Variants in ZFYVE9 observed in about 807,000 individuals in gnomAD.
The protein encoded by ZFYVE9 is zinc finger FYVE-type containing 9.
In ZFYVE9, 43 loss-of-function variants were observed where a neutral mutation model predicts 126.7. The observed-to-expected ratio is 0.34, with a 90% confidence interval of 0.27 to 0.44. The LOEUF (loss-of-function observed/expected upper bound fraction) is 0.44. ZFYVE9 is among the 20% of genes least tolerant of loss of function. ZFYVE9 has a pLI of 1.00. For missense variants in ZFYVE9, 1,476 were observed against 1,697.0 expected, an observed-to-expected ratio of 0.87 and a Z score of 2.29; for synonymous variants, 521 against 597.4, an observed-to-expected ratio of 0.87 and a Z score of 1.87.
chr1:52,163,257 A>G (rs1644479954), intron 1 of ZFYVE9, among the ~76,000 whole-genome samples: 1 of 152,236 alleles, frequency 6.6e-6, no homozygotes, highest in African/African-American at 2.4e-5. Context: ...CATTTTTGGA[A>G]AAAACTCTTC....
At chr1:52,205,073 T>TC (rs1360626339) in intron 1 of ZFYVE9, among the ~76,000 whole-genome samples, 1 of 148,766 alleles carries the variant, frequency 6.7e-6, no homozygotes, top group African/African-American at 2.5e-5. Flanking sequence ...GTGAATTTTT[T>TC]TTTTTTTTTT....
intron 1 of ZFYVE9, among the ~76,000 whole-genome samples, chr1:52,206,169 T>A (rs1191968638): frequency 6.6e-6 from 1 of 152,244 alleles, no homozygotes; most frequent in Non-Finnish European, 1.5e-5. Flanking sequence ...ATTGTAGCTG[T>A]ATCTTTCAGG....
intron 1 of ZFYVE9, among the ~76,000 whole-genome samples, chr1:52,161,190 A>G (rs1160478843): frequency 1.3e-5 from 2 of 152,248 alleles, no homozygotes; most frequent in East Asian, 3.8e-4. Flanking sequence ...GCTCTAGGTA[A>G]TAAATAAGGG....
rs1646056991 is a variant in ZFYVE9, at chr1:52,303,801, T to G, written c.3334-20T>G. On this transcript the variant is annotated intron_variant, in intron 12 of 18. Coordinates refer to ENST00000287727, the MANE Select transcript of ZFYVE9 (RefSeq NM_004799.4). ...CCATTGATGAATTAATTTATTCTGC[T>G]TCAATCTGCTTTGGCCCAGGACTTC... The G allele has an allele frequency of 6.7e-7, 1 of 1,497,486 alleles. No individual in the cohort carries two copies. Among genetic ancestry groups the G allele is most frequent in the Non-Finnish European group, 9.0e-7 (1 of 1,114,468 alleles). The allele number at this position is 1,497,486 out of a possible 1,614,324, so 92.8% of individuals were successfully genotyped here. A position where few individuals can be genotyped will look rare whatever the true frequency, so the allele number is the denominator to read the frequency against.
chr1:52,296,176 TACAC>T (rs148768305), intron 12 of ZFYVE9, among the ~76,000 whole-genome samples, 199 bp downstream of exon 12: 1 of 150,132 alleles, frequency 6.7e-6, no homozygotes, highest in Non-Finnish European at 1.5e-5. Flanking sequence ...TTCATATGTA[TACAC>T]ACACACACAC....
chr1:52,183,409 C>T (rs1265773478), intron 1 of ZFYVE9, among the ~76,000 whole-genome samples: 1 of 152,204 alleles, frequency 6.6e-6, no homozygotes, highest in Admixed American at 6.5e-5. Flanking sequence ...AAGAGATTTT[C>T]TAGACCAGTT....
intron 13 of ZFYVE9, among the ~76,000 whole-genome samples, chr1:52,322,652 A>C (rs1409282501): frequency 1.3e-5 from 2 of 151,966 alleles, no homozygotes; most frequent in Non-Finnish European, 2.9e-5. Flanking sequence ...TTGGGATTAC[A>C]GGAGTGAGCC....
At chr1:52,288,387 C>A (rs1645883972) in intron 10 of ZFYVE9, among the ~76,000 whole-genome samples, 1 of 152,196 alleles carries the variant, frequency 6.6e-6, no homozygotes, top group African/African-American at 2.4e-5. Context: ...CAGCCTTGAT[C>A]TCCTTGGGCC....
At chr1:52,311,368 G>A (rs1022631917) in intron 13 of ZFYVE9, among the ~76,000 whole-genome samples, 1 of 150,716 alleles carries the variant, frequency 6.6e-6, no homozygotes, top group Non-Finnish European at 1.5e-5. Flanking sequence ...AGGTTCAAGC[G>A]ATTCTCCTGC....
At chr1:52,227,953 A>G (rs1489101654) in intron 2 of ZFYVE9, among the ~76,000 whole-genome samples, 2 of 152,062 alleles carry the variant, frequency 1.3e-5, no homozygotes, top group East Asian at 3.8e-4. Context: ...TCTAGTTTTG[A>G]TACTCCTATG....
chr1:52,166,606 C>A (rs1030033481), intron 1 of ZFYVE9, among the ~76,000 whole-genome samples: 1 of 152,002 alleles, frequency 6.6e-6, no homozygotes, highest in South Asian at 2.1e-4. Flanking sequence ...ACTAATTCTA[C>A]CCTGATGATT....
At chr1:52,206,475 T>C (rs1644978843) in intron 1 of ZFYVE9, among the ~76,000 whole-genome samples, 1 of 152,244 alleles carries the variant, frequency 6.6e-6, no homozygotes, top group African/African-American at 2.4e-5. Context: ...ACAATTTATA[T>C]ACCACTTTAG....
intron 13 of ZFYVE9, among the ~76,000 whole-genome samples, chr1:52,317,082 C>T (rs937628910): frequency 2.6e-5 from 4 of 151,912 alleles, no homozygotes; most frequent in Non-Finnish European, 4.4e-5. Flanking sequence ...GTACATTTCC[C>T]AATAATCCAT....
intron 13 of ZFYVE9, among the ~76,000 whole-genome samples, chr1:52,326,916 A>C (rs558672875): frequency 6.6e-6 from 1 of 152,188 alleles, no homozygotes; most frequent in South Asian, 2.1e-4. Context: ...GTAACCCAGC[A>C]CTTTGGGAGG....
chr1:52,234,288 C>T (rs184778611), intron 3 of ZFYVE9, among the ~76,000 whole-genome samples: 109 of 152,174 alleles, frequency 7.2e-4, no homozygotes, highest in African/African-American at 2.3e-3. Flanking sequence ...GATGAAACCC[C>T]GTCTCTACAG....
Position 52,180,477 on chromosome 1 carries a change from C to T in ZFYVE9, c.-142-35892C>T, listed in dbSNP as rs1164395775. On this transcript the variant is annotated intron_variant, in intron 1 of 18. Coordinates refer to ENST00000287727, the MANE Select transcript of ZFYVE9 (RefSeq NM_004799.4). ...GGACCTGGAGGAAAACCCTAAGAAG[C>T]CAGTTGAAGATGTATTGCTGTCCTC... The T allele has an allele frequency of 5.0e-6, 5 of 992,350 alleles. No individual in the cohort carries two copies. In the East Asian group the frequency reaches 9.5e-5, roughly 19 times the overall value. The allele number at this position is 992,350 out of a possible 1,614,324, so 61.5% of individuals were successfully genotyped here.
chr1:52,319,565 A>C lies in ZFYVE9; in HGVS notation c.3439-13203A>C, dbSNP rs543779052. 1.1e-4 allele frequency among the ~76,000 whole-genome samples: 16 copies of C among 152,034 alleles called. No individual in the cohort carries two copies. The South Asian group carries it at 1.9e-3, about 18-fold the overall frequency. ...CTTGAACACGGGAGGTGGAGGTTACAGTGAGCCGAGATCGCACCATTGTAC... is the reference window on the plus strand; with the variant it reads ...CTTGAACACGGGAGGTGGAGGTTACCGTGAGCCGAGATCGCACCATTGTAC... On this transcript the variant is annotated intron_variant, in intron 13 of 18. Coordinates refer to ENST00000287727, the MANE Select transcript of ZFYVE9 (RefSeq NM_004799.4).
intron 13 of ZFYVE9, among the ~76,000 whole-genome samples, chr1:52,305,765 C>T (rs1462904353): frequency 1.3e-5 from 2 of 152,152 alleles, no homozygotes; most frequent in Non-Finnish European, 2.9e-5. Flanking sequence ...CAGGCATCCT[C>T]GTGCTTGGGA....
At chr1:52,332,319 A>C (rs996399026) in intron 13 of ZFYVE9, among the ~76,000 whole-genome samples, 1 of 152,180 alleles carries the variant, frequency 6.6e-6, no homozygotes. Flanking sequence ...TTAAGAAACA[A>C]TTTGAATTTC....
Sources: allele counts gnomAD v4.1 joint callset (sites outside exome capture counted in the v4.1 genomes callset), GRCh38; gene constraint gnomAD v4.1.1; transcripts MANE v1.5; gene names NCBI Gene and HGNC (gene_info 2026-07-23, HGNC 2026-07-21).